Variants in SCNN1B observed in about 807,000 individuals in gnomAD.
SCNN1B encodes the protein sodium channel epithelial 1 subunit beta.
Under a neutral mutation model 65.3 loss-of-function variants are expected in SCNN1B, and 46 were observed. That is an observed-to-expected ratio of 0.70 (90% confidence interval 0.56 to 0.90). The LOEUF (loss-of-function observed/expected upper bound fraction) is 0.90. Ranked by LOEUF, SCNN1B falls within the 40% of genes least tolerant of loss-of-function variation. The pLI is 0.00. For missense variants in SCNN1B, 751 were observed against 830.5 expected, an observed-to-expected ratio of 0.90 and a Z score of 1.18; for synonymous variants, 349 against 330.6, an observed-to-expected ratio of 1.06 and a Z score of -0.60.
intron 1 of SCNN1B, among the ~76,000 whole-genome samples, chr16:23,328,629 C>G (rs1355619514): frequency 6.6e-6 from 1 of 152,172 alleles, no homozygotes; most frequent in Non-Finnish European, 1.5e-5. Flanking sequence ...TGGAAACAGG[C>G]AGTCAGCACA....
chr16:23,315,336 T>C (rs1961431391), intron 1 of SCNN1B, among the ~76,000 whole-genome samples: 1 of 150,204 alleles, frequency 6.7e-6, no homozygotes, highest in African/African-American at 2.4e-5. Context: ...AAAGTCTGTC[T>C]CAAAAAAAAA....
Position 23,380,420 on chromosome 16 carries a change from G to T in SCNN1B, c.1543-1G>T. On this transcript the variant is annotated splice_acceptor_variant, in intron 12 of 12. Coordinates refer to ENST00000343070, the MANE Select transcript of SCNN1B (RefSeq NM_000336.3). LOFTEE classifies it high-confidence loss of function. This position sits in a 1 kb window ranked among gnomAD's most constrained non-coding sequence, Gnocchi z 5.4. ...TCACCCCAGCTCCCTGTTCCCCACA[G>T]ATCGTCTGGCTGCTCTCGAATCTGG... 6.2e-7 allele frequency: 1 copy of T among 1,614,138 alleles called. No homozygotes were observed. The highest frequency in any genetic ancestry group is 8.5e-7 in the Non-Finnish European group (1 of 1,180,052).
At chr16:23,309,257 G>A (rs1961287110) in intron 1 of SCNN1B, among the ~76,000 whole-genome samples, 1 of 151,986 alleles carries the variant, frequency 6.6e-6, no homozygotes, top group South Asian at 2.1e-4. Flanking sequence ...GAGGGCCTGG[G>A]GCAAACTCGA....
At chr16:23,336,023 T>A (rs1207918400) in intron 1 of SCNN1B, among the ~76,000 whole-genome samples, 3 of 152,178 alleles carry the variant, frequency 2.0e-5, no homozygotes, top group Non-Finnish European at 4.4e-5. Flanking sequence ...GGCAGCTGCA[T>A]GGCCCCACTT....
chr16:23,320,212 T>C (rs954827679), intron 1 of SCNN1B, among the ~76,000 whole-genome samples: 5 of 152,186 alleles, frequency 3.3e-5, no homozygotes, highest in Admixed American at 6.5e-5. Context: ...GGCGGGCTGG[T>C]GGTTCTCAAA....
chr16:23,335,986 G>A (rs1312583042), intron 1 of SCNN1B, among the ~76,000 whole-genome samples: 1 of 152,160 alleles, frequency 6.6e-6, no homozygotes. Flanking sequence ...GGGCAAAAGA[G>A]GTTCATAGGT....
Position 23,377,201 on chromosome 16 carries a change from A to G in SCNN1B, c.1307A>G (p.Gln436Arg), listed in dbSNP as rs1363308309. 2 of 1,614,204 alleles carry G rather than the reference A, an allele frequency of 1.2e-6. No homozygotes were observed. The highest frequency in any genetic ancestry group is 2.2e-5 in the South Asian group (2 of 91,084). Reference protein sequence around the residue: ...CYSDLQMSVAQRETCIGMCKE... With the variant: ...CYSDLQMSVARRETCIGMCKE... ...TCAGATCTACAGATGAGCGTGGCGC[A>G]GAGAGAGACCTGCATTGGCATGTGC... The change falls in exon 9 of 13, where the codon CAG (glutamine) becomes CGG (arginine). Residue 436 changes from glutamine (Q) to arginine (R), a missense_variant. Transcript: ENST00000343070.
chr16:23,380,204 C>T lies in SCNN1B; in HGVS notation c.1542+35C>T. On this transcript the variant is annotated intron_variant, in intron 12 of 12. Transcript: ENST00000343070. The surrounding 1 kb of genome is among the most constrained non-coding windows in gnomAD (Gnocchi z 5.4). The stretch of plus-strand genomic sequence containing the variant: ...GGAGTCTCCCAATACCCCAGCCCTG[C>T]CCTGCCCTGACCCCTGCACCCTGAG... 1 of 1,579,832 alleles carries T rather than the reference C, an allele frequency of 6.3e-7. No homozygotes were observed. Among genetic ancestry groups the T allele is most frequent in the Middle Eastern group, 1.7e-4 (1 of 5,984 alleles).
In SCNN1B at chr16:23,348,662, G is replaced by A. The variant is rs768575842; in HGVS notation, c.63G>A (p.Thr21=). ...GGCTGCAGAAGGGCCCCGGCTACAC[G>A]TACAAGGAGCTGCTGGTGTGGTACT... The part of the protein sequence containing the change: ...LHRLQKGPGY[T]YKELLVWYCD... The change falls in exon 2 of 13, where the codon ACG becomes ACA. Residue 21 remains threonine (T), a synonymous_variant. Coordinates refer to ENST00000343070, the MANE Select transcript of SCNN1B (RefSeq NM_000336.3). This position sits in a 1 kb window ranked among gnomAD's most constrained non-coding sequence, Gnocchi z 4.5. 27 of 1,613,694 alleles carry A rather than the reference G, an allele frequency of 1.7e-5. No individual in the cohort carries two copies. The highest frequency in any genetic ancestry group is 1.7e-4 in the Middle Eastern group (1 of 5,836).
Position 23,371,839 on chromosome 16 carries a change from G to A in SCNN1B, c.1108G>A (p.Val370Ile), listed in dbSNP as rs765382334. The change falls in exon 7 of 13, where the codon GTC becomes ATC. Residue 370 changes from valine (V) to isoleucine (I), a missense_variant. Coordinates refer to ENST00000343070, the MANE Select transcript of SCNN1B (RefSeq NM_000336.3). Reference sequence around the variant, plus strand: ...CACCGTGAATGGTTCTGAGGTCCCCGTCCAAAACTTCTACAGTGACTACAA... The same window carrying A: ...CACCGTGAATGGTTCTGAGGTCCCCATCCAAAACTTCTACAGTGACTACAA... ...PCTVNGSEVP[V>I]QNFYSDYNTT... is the part of the protein sequence containing the mutation. 1.1e-5 allele frequency: 18 copies of A among 1,614,214 alleles called. No individual in the cohort carries two copies. The highest frequency in any genetic ancestry group is 3.3e-5 in the Admixed American group (2 of 60,038).
chr16:23,299,364 T>C (rs996285479), upstream of SCNN1B, among the ~76,000 whole-genome samples: 1 of 152,088 alleles, frequency 6.6e-6, no homozygotes, highest in Non-Finnish European at 1.5e-5. Context: ...CCAGCCGAAA[T>C]TGCTATTTTC....
intron 1 of SCNN1B, among the ~76,000 whole-genome samples, chr16:23,332,885 A>G (rs1961843173): frequency 6.6e-6 from 1 of 152,110 alleles, no homozygotes; most frequent in African/African-American, 2.4e-5. Flanking sequence ...TCTGGTCAAG[A>G]TGGTGAAACC....
At chr16:23,298,474 C>T (rs1454672783), upstream of SCNN1B, among the ~76,000 whole-genome samples, 1 of 152,164 alleles carries the variant, frequency 6.6e-6, no homozygotes, top group Non-Finnish European at 1.5e-5. Context: ...TCAGAGATAG[C>T]TAGAAAATGG....
At chr16:23,370,749 A>G (rs1271412725) in intron 5 of SCNN1B, among the ~76,000 whole-genome samples, 1 of 152,104 alleles carries the variant, frequency 6.6e-6, no homozygotes, top group Non-Finnish European at 1.5e-5. Context: ...TTTCTAGGGG[A>G]AGGGAAGGGG....
chr16:23,380,759 G>T lies in SCNN1B; in HGVS notation c.1881G>T (p.Pro627=). The part of the protein sequence containing the change: ...PPNYDSLRLQ[P]LDVIESDSEG... ...ACTATGACTCCCTGCGTCTGCAGCC[G>T]CTGGACGTCATCGAGTCTGACAGTG... The change falls in exon 13 of 13, where the codon CCG becomes CCT. Residue 627 remains proline, a synonymous_variant. Transcript: ENST00000343070. This position sits in a 1 kb window ranked among gnomAD's most constrained non-coding sequence, Gnocchi z 5.4. 6.2e-7 allele frequency: 1 copy of T among 1,612,504 alleles called. No individual in the cohort carries two copies. Among genetic ancestry groups the T allele is most frequent in the Non-Finnish European group, 8.5e-7 (1 of 1,179,920 alleles).
chr16:23,371,241 G>A (rs920487016), intron 5 of SCNN1B, 58 bp from the exon 6 acceptor site: 4 of 1,589,534 alleles, frequency 2.5e-6, no homozygotes, highest in African/African-American at 1.3e-5. Context: ...TGGGTAGTGG[G>A]GTCTCCTTTC....
At chr16:23,365,607 A>AAAAG in intron 4 of SCNN1B, among the ~76,000 whole-genome samples, 1 of 76,720 alleles carries the variant, frequency 1.3e-5, no homozygotes, top group Admixed American at 1.2e-4. Context: ...GAAAGAAAGA[A>AAAAG]AGAAAGAAAG....
At position 23,355,283 on chromosome 16, in the gene SCNN1B, C is replaced by A; in HGVS notation, c.586-16C>A. ...GCTCCCACGCCACCCACAAAAACCC[C>A]TCTTGGCCTCCACAGTGTAGCCTCA... On this transcript the variant is annotated splice_polypyrimidine_tract_variant and intron_variant, in intron 3 of 12. Coordinates refer to ENST00000343070, the MANE Select transcript of SCNN1B (RefSeq NM_000336.3). The A allele has an allele frequency of 6.2e-7, 1 of 1,614,132 alleles. No homozygotes were observed. The highest frequency in any genetic ancestry group is 8.5e-7 in the Non-Finnish European group (1 of 1,179,968).
At chr16:23,352,718 A>G in intron 2 of SCNN1B, 83 bp from the exon 3 acceptor site, 3 of 1,440,326 alleles carry the variant, frequency 2.1e-6, no homozygotes, top group East Asian at 4.5e-5. Flanking sequence ...AAAACAGACT[A>G]CTATGGAGTG....
Sources: gnomAD v4.1 joint callset for allele counts (sites outside exome capture counted in the v4.1 genomes callset) on GRCh38, gnomAD v4.1.1 for gene constraint, Gnocchi (gnomAD v3.1) non-coding constraint, MANE v1.5 for transcripts, NCBI Gene and HGNC (gene_info 2026-07-23, HGNC 2026-07-21) for gene names.